The following MSRA variants were observed in gnomAD, a reference collection of about 807,000 sequenced individuals.
MSRA encodes the protein mitochondrial peptide methionine sulfoxide reductase.
MSRA carries 54 observed loss-of-function variants against 31.3 expected under a neutral mutation model. The ratio of observed to expected loss-of-function variants is 1.73; its 90% CI spans 1.39 to 2.17. The LOEUF (loss-of-function observed/expected upper bound fraction) is 2.17. Among genes scored for constraint, MSRA ranks in the 30% most tolerant of loss-of-function variants. The pLI is 0.00. For synonymous variants in MSRA, 169 were observed against 116.5 expected (o/e 1.45, Z -2.90); for missense variants, 507 against 300.9 (o/e 1.69, Z -5.07).
At chr8:10,228,128 C>T (rs1380442230) in intron 2 of MSRA, among the ~76,000 whole-genome samples, 11 of 152,106 alleles carry the variant, frequency 7.2e-5, no homozygotes, top group Non-Finnish European at 8.8e-5. Flanking sequence ...GTCTCTCGTC[C>T]ACTGAGCTAC....
chr8:10,206,647 G>T (rs913169402), intron 1 of MSRA, among the ~76,000 whole-genome samples: 3 of 152,138 alleles, frequency 2.0e-5, no homozygotes, highest in African/African-American at 7.2e-5. Flanking sequence ...CCTCACTGAA[G>T]TTGCTCTCTC....
intron 3 of MSRA, among the ~76,000 whole-genome samples, chr8:10,268,453 G>A (rs1311367519): frequency 1.3e-5 from 2 of 152,184 alleles, no homozygotes; most frequent in Non-Finnish European, 2.9e-5. Context: ...TACTCCCGAG[G>A]TTAGGGTGGG....
At chr8:10,385,845 A>C (rs1806358226) in intron 5 of MSRA, among the ~76,000 whole-genome samples, 1 of 152,012 alleles carries the variant, frequency 6.6e-6, no homozygotes, top group South Asian at 2.1e-4. Context: ...GGTGAAGGAC[A>C]GAATAGCGCC....
rs1798959638 is a variant in MSRA, at chr8:10,093,484, T to C, written c.142+38826T>C. 3.9e-5 allele frequency among the ~76,000 whole-genome samples: 6 copies of C among 152,192 alleles called. 1 individual carries two copies. The South Asian group carries it at 6.2e-4, about 16-fold the overall frequency. On this transcript the variant is annotated intron_variant, in intron 1 of 5. Coordinates refer to ENST00000317173, the MANE Select transcript of MSRA (RefSeq NM_012331.5). The stretch of plus-strand genomic sequence containing the variant: ...CTGTTCTATTCCTTCTTTACTCTTA[T>C]TGTCACATGTTACCTCTTCATAGAT...
chr8:10,375,562 T>C (rs1315871826), intron 5 of MSRA, among the ~76,000 whole-genome samples: 1 of 152,170 alleles, frequency 6.6e-6, no homozygotes, highest in South Asian at 2.1e-4. Context: ...TATCAACCTG[T>C]CAACCAGCCA....
chr8:10,316,284 G>T (rs1402334036), intron 4 of MSRA, among the ~76,000 whole-genome samples: 1 of 151,292 alleles, frequency 6.6e-6, no homozygotes, highest in Non-Finnish European at 1.5e-5. Flanking sequence ...TAGTGGTTAA[G>T]ATCATGGACT....
intron 5 of MSRA, among the ~76,000 whole-genome samples, chr8:10,424,375 C>T (rs1464060819): frequency 3.4e-5 from 5 of 147,064 alleles, no homozygotes; most frequent in East Asian, 4.0e-4. Flanking sequence ...GGAGAAGGCC[C>T]GGGGTGGAGT....
intron 5 of MSRA, among the ~76,000 whole-genome samples, chr8:10,402,683 T>C (rs543703738): frequency 6.6e-6 from 1 of 152,310 alleles, no homozygotes; most frequent in East Asian, 1.9e-4. Flanking sequence ...ACAGTCACAG[T>C]AGCATTGGGA....
intron 1 of MSRA, among the ~76,000 whole-genome samples, chr8:10,185,103 G>A (rs1234311692): frequency 6.6e-6 from 1 of 152,140 alleles, no homozygotes; most frequent in African/African-American, 2.4e-5. Context: ...AAGGCTGAAG[G>A]GCTGCTGCTC....
chr8:10,185,090 C>G (rs1444009688), intron 1 of MSRA, among the ~76,000 whole-genome samples: 1 of 152,192 alleles, frequency 6.6e-6, no homozygotes, highest in Non-Finnish European at 1.5e-5. Flanking sequence ...AATCCTCTCT[C>G]TCAAGGCTGA....
intron 5 of MSRA, among the ~76,000 whole-genome samples, chr8:10,400,703 C>G (rs1193928966): frequency 2.0e-5 from 3 of 152,066 alleles, no homozygotes; most frequent in African/African-American, 4.8e-5. Flanking sequence ...AAGGCTGAAC[C>G]CTCACATCTG....
At chr8:10,175,900 C>A (rs899873299) in intron 1 of MSRA, among the ~76,000 whole-genome samples, 1 of 151,958 alleles carries the variant, frequency 6.6e-6, no homozygotes, top group African/African-American at 2.4e-5. Flanking sequence ...TTTATTCATT[C>A]CTTACAATAG....
intron 1 of MSRA, among the ~76,000 whole-genome samples, chr8:10,070,571 T>G (rs1797680548): frequency 6.6e-6 from 1 of 152,200 alleles, no homozygotes; most frequent in African/African-American, 2.4e-5. Context: ...ACGAGGATAT[T>G]GACAATGACA....
At chr8:10,089,297 C>A (rs1316504268) in intron 1 of MSRA, among the ~76,000 whole-genome samples, 1 of 152,122 alleles carries the variant, frequency 6.6e-6, no homozygotes, top group Admixed American at 6.6e-5. Context: ...AGAACAAAGC[C>A]TTAAAAGAAC....
Position 10,054,675 on chromosome 8 carries a change from C to T in MSRA, c.142+17C>T, listed in dbSNP as rs747858593. ...CTGTAGCGGGTAAGCACTGGCCACA[C>T]GGAAGGCGCGGGCGGCGACGCTGCG... On this transcript the variant is annotated intron_variant, in intron 1 of 5. Transcript: ENST00000317173. 2.7e-6 allele frequency: 4 copies of T among 1,496,132 alleles called. No individual in the cohort carries two copies. Among genetic ancestry groups the T allele is most frequent in the South Asian group, 2.6e-5 (2 of 77,930 alleles). 92.7% of individuals were successfully genotyped at this position (1,496,132 alleles called of 1,614,324 possible).
chr8:10,349,197 A>G (rs746287578), intron 5 of MSRA, among the ~76,000 whole-genome samples: 2 of 152,258 alleles, frequency 1.3e-5, no homozygotes, highest in East Asian at 3.8e-4. Flanking sequence ...TGAAGTTTAT[A>G]TTTAGAAATT....
At chr8:10,231,731 C>T (rs1459515148) in intron 2 of MSRA, among the ~76,000 whole-genome samples, 1 of 151,844 alleles carries the variant, frequency 6.6e-6, no homozygotes, top group Non-Finnish European at 1.5e-5. Flanking sequence ...GGTGAAACCC[C>T]GTCTCTACTC....
intron 5 of MSRA, among the ~76,000 whole-genome samples, chr8:10,371,066 A>G (rs1023903110): frequency 6.6e-6 from 1 of 152,206 alleles, no homozygotes; most frequent in African/African-American, 2.4e-5. Flanking sequence ...TTTTCAGACC[A>G]TGCTAACCCA....
At chr8:10,400,867 A>T (rs1447761889) in intron 5 of MSRA, among the ~76,000 whole-genome samples, 5 of 152,206 alleles carry the variant, frequency 3.3e-5, no homozygotes, top group African/African-American at 7.2e-5. Context: ...CATACACAAC[A>T]ATTAACTCAA....
Sources: allele counts gnomAD v4.1 joint callset (sites outside exome capture counted in the v4.1 genomes callset), GRCh38; gene constraint gnomAD v4.1.1; transcripts MANE v1.5; gene names NCBI Gene and HGNC (gene_info 2026-07-23, HGNC 2026-07-21).